PTPN20: variants seen among roughly 807,000 people sequenced by gnomAD.
The protein encoded by PTPN20 is tyrosine-protein phosphatase non-receptor type 20.
In PTPN20, 9 loss-of-function variants were observed where a neutral mutation model predicts 35.0. That is an observed-to-expected ratio of 0.26 (90% CI 0.15 to 0.45). The LOEUF (loss-of-function observed/expected upper bound fraction) is 0.45. PTPN20 is among the 20% of genes least tolerant of loss of function. PTPN20 has a pLI of 1.00. For synonymous variants in PTPN20, 32 were observed against 100.2 expected, an observed-to-expected ratio of 0.32 and a Z score of 4.06; for missense variants, 111 against 312.5, an observed-to-expected ratio of 0.36 and a Z score of 4.86.
intron 2 of PTPN20, among the ~76,000 whole-genome samples, chr10:46,933,502 A>G (rs1430865103): frequency 3.4e-5 from 5 of 145,974 alleles, no homozygotes; most frequent in African/African-American, 7.9e-5. Flanking sequence ...CCATTCTGCT[A>G]TCTGCTTTTG....
chr10:46,930,389 A>G (rs2039163532), intron 1 of PTPN20, among the ~76,000 whole-genome samples: 2 of 151,648 alleles, frequency 1.3e-5, no homozygotes, highest in African/African-American at 2.4e-5. Flanking sequence ...ATAAAATTCG[A>G]AACAAAATTT....
chr10:46,928,582 C>A (rs1319986314), intron 1 of PTPN20, among the ~76,000 whole-genome samples: 1 of 151,970 alleles, frequency 6.6e-6, no homozygotes, highest in Non-Finnish European at 1.5e-5. Context: ...TCCCTCTGAG[C>A]CCCCAGTCCT....
At chr10:46,979,932 T>G in intron 7 of PTPN20, among the ~76,000 whole-genome samples, 1 of 150,888 alleles carries the variant, frequency 6.6e-6, no homozygotes, top group South Asian at 2.1e-4. Flanking sequence ...TTCTCAGGGA[T>G]CTCAATCACC....
intron 1 of PTPN20, chr10:46,925,935 G>C (rs1335879015): frequency 9.2e-6 from 9 of 978,716 alleles, no homozygotes; most frequent in Non-Finnish European, 1.1e-5. Context: ...ATCTGAGTAA[G>C]TCAGGAAGTT....
At chr10:46,933,837 GTTGT>G (rs1177448996) in intron 2 of PTPN20, among the ~76,000 whole-genome samples, 8 of 103,812 alleles carry the variant, frequency 7.7e-5, no homozygotes, top group Admixed American at 5.2e-4. Context: ...TTTTTTTGTT[GTTGT>G]TTGTTTGTTT....
intron 6 of PTPN20, among the ~76,000 whole-genome samples, chr10:46,966,359 T>C (rs2050648214): frequency 1.3e-5 from 2 of 152,220 alleles, no homozygotes; most frequent in Non-Finnish European, 2.9e-5. Context: ...AGCTGATTTT[T>C]AGTGGTCAAA....
At chr10:46,949,555 G>A (rs2134489373) in intron 5 of PTPN20, among the ~76,000 whole-genome samples, 1 of 149,164 alleles carries the variant, frequency 6.7e-6, no homozygotes, top group South Asian at 2.2e-4. Context: ...TTGATTTAGT[G>A]TTTTTTTTTC....
At chr10:46,949,152 C>T (rs1437816381) in intron 5 of PTPN20, among the ~76,000 whole-genome samples, 2 of 152,076 alleles carry the variant, frequency 1.3e-5, no homozygotes, top group Non-Finnish European at 2.9e-5. Context: ...TACGCATTTT[C>T]GACCATGACA....
chr10:46,932,726 A>G (rs1488486424), intron 2 of PTPN20, among the ~76,000 whole-genome samples, 193 bp downstream of exon 2: 14 of 151,154 alleles, frequency 9.3e-5, no homozygotes, highest in African/African-American at 3.4e-4. Context: ...AGTAACAACA[A>G]TTAAACTCTA....
At position 46,992,681 on chromosome 10, in the gene PTPN20, G is replaced by A. The variant is rs895018236; in HGVS notation, c.1134+5126G>A. 9.9e-5 allele frequency among the ~76,000 whole-genome samples: 15 copies of A among 152,236 alleles called. No homozygotes were observed. In the South Asian group the frequency reaches 1.2e-3, roughly 13 times the overall value. On this transcript the variant is annotated intron_variant, in intron 9 of 10. Coordinates refer to ENST00000374339, the MANE Select transcript of PTPN20 (RefSeq NM_001042357.5). Reference sequence around the variant, plus strand: ...TCAGCTGTCTCCTGAATCTCATTAAGCTTCCTTACCACCCAGATTCTGAGT... The same window carrying A: ...TCAGCTGTCTCCTGAATCTCATTAAACTTCCTTACCACCCAGATTCTGAGT...
chr10:46,938,523 A>C (rs1385644071), intron 2 of PTPN20, among the ~76,000 whole-genome samples: 12 of 11,608 alleles, frequency 1.0e-3, no homozygotes, highest in African/African-American at 5.9e-3. Context: ...TGAGTGTCAG[A>C]GATTGTCCTC....
At chr10:46,991,750 T>G (rs1433900713) in intron 9 of PTPN20, among the ~76,000 whole-genome samples, 23 of 146,310 alleles carry the variant, frequency 1.6e-4, no homozygotes, top group African/African-American at 5.9e-4. Flanking sequence ...TGAAAATAGG[T>G]CCACAGTTTC....
chr10:46,975,932 A>C (rs1345991304), intron 7 of PTPN20, among the ~76,000 whole-genome samples: 1 of 151,618 alleles, frequency 6.6e-6, no homozygotes, highest in Non-Finnish European at 1.5e-5. Context: ...AAGTGCTGGG[A>C]TTATAAGCAT....
At chr10:46,949,166 G>A (rs2045914897) in intron 5 of PTPN20, among the ~76,000 whole-genome samples, 1 of 152,074 alleles carries the variant, frequency 6.6e-6, no homozygotes, top group East Asian at 1.9e-4. Flanking sequence ...CATGACAGTG[G>A]CTCCCCTCCT....
At chr10:46,953,650 G>A (rs2790931) in intron 5 of PTPN20, among the ~76,000 whole-genome samples, 47,246 of 110,170 alleles carry the variant, frequency 0.43, 9,765 homozygotes, top group Middle Eastern at 0.52. Flanking sequence ...CTTTTTCTGC[G>A]TCTATTCAGA....
At chr10:46,932,062 TTGTGTGTGTGTGTGTG>T (rs71023200) in intron 1 of PTPN20, among the ~76,000 whole-genome samples, 1 of 133,630 alleles carries the variant, frequency 7.5e-6, no homozygotes. Flanking sequence ...TTGATTGAAT[TTGTGTGTGTGTGTGTG>T]TGTGTGTGTG....
At chr10:46,996,703 CTA>C (rs2137844468) in intron 9 of PTPN20, among the ~76,000 whole-genome samples, 1 of 152,198 alleles carries the variant, frequency 6.6e-6, no homozygotes, top group East Asian at 1.9e-4. Flanking sequence ...CTATTGATGG[CTA>C]GTTGTTTCAA....
At chr10:46,940,944 A>G (rs2043283762) in intron 3 of PTPN20, among the ~76,000 whole-genome samples, 1 of 151,848 alleles carries the variant, frequency 6.6e-6, no homozygotes, top group South Asian at 2.1e-4. Flanking sequence ...TTTTACAGGC[A>G]CTAGTTTTGT....
intron 9 of PTPN20, among the ~76,000 whole-genome samples, chr10:46,988,255 A>T (rs1292671359): frequency 9.7e-6 from 1 of 102,612 alleles, no homozygotes; most frequent in Admixed American, 9.1e-5. Context: ...TTTTTAGTTG[A>T]CATGTAATAA....
Sources: allele counts gnomAD v4.1 joint callset (sites outside exome capture counted in the v4.1 genomes callset), GRCh38; gene constraint gnomAD v4.1.1; transcripts MANE v1.5; gene names NCBI Gene and HGNC (gene_info 2026-07-23, HGNC 2026-07-21).